OR1D2: variants seen among roughly 807,000 people sequenced by gnomAD.
OR1D2 encodes the protein olfactory receptor 1D2.
For synonymous variants in OR1D2, 157 were observed against 153.9 expected (o/e 1.02, Z -0.15); for missense variants, 357 against 376.1 (o/e 0.95, Z 0.42).
At chr17:3,094,060 G>A (rs1334028502) in intron 1 of OR1D2, among the ~76,000 whole-genome samples, 3 of 152,172 alleles carry the variant, frequency 2.0e-5, no homozygotes, top group Non-Finnish European at 4.4e-5. Flanking sequence ...CAATATGATA[G>A]TAATGTTGGA....
intron 1 of OR1D2, among the ~76,000 whole-genome samples, chr17:3,100,674 A>AGC (rs2047870547): frequency 6.6e-6 from 1 of 152,210 alleles, no homozygotes; most frequent in African/African-American, 2.4e-5. Context: ...GTAAGATCAG[A>AGC]GCAGAACTGA....
chr17:3,092,041 G>C lies in OR1D2; in HGVS notation c.*17C>G. On this transcript the variant is annotated 3_prime_UTR_variant, in exon 2 of 2. Transcript: ENST00000641833. ...TATTCCTAGTCTCCACTTTAATGCT[G>C]TCTTTCCAAATTGCCCTCATGTCAG... 1 of 1,574,002 alleles carries C rather than the reference G, an allele frequency of 6.4e-7. No homozygotes were observed. The highest frequency in any genetic ancestry group is 8.7e-7 in the Non-Finnish European group (1 of 1,153,514).
At chr17:3,094,005 A>T (rs1347335306) in intron 1 of OR1D2, among the ~76,000 whole-genome samples, 1 of 152,208 alleles carries the variant, frequency 6.6e-6, no homozygotes, top group African/African-American at 2.4e-5. Flanking sequence ...TGAATAAAAG[A>T]ATAACAGGGT....
chr17:3,103,516 C>A (rs933604362), intron 1 of OR1D2, among the ~76,000 whole-genome samples: 1 of 152,204 alleles, frequency 6.6e-6, no homozygotes, highest in Non-Finnish European at 1.5e-5. Context: ...TTCTGACTCT[C>A]TCTCTTGAAG....
In OR1D2 at chr17:3,104,090, T is replaced by C. The variant is rs993130793; in HGVS notation, c.-51+9A>G. 6.6e-6 allele frequency: 1 copy of C among 152,130 alleles called. No individual in the cohort carries two copies. Among genetic ancestry groups the C allele is most frequent in the African/African-American group, 2.4e-5 (1 of 41,412 alleles). 9.4% of individuals were successfully genotyped at this position (152,130 alleles called of 1,614,324 possible). A position where few individuals can be genotyped will look rare whatever the true frequency, so the allele number is the denominator to read the frequency against. On this transcript the variant is annotated intron_variant, in intron 1 of 1. Transcript: ENST00000641833. ...AGGGAGAAAGAGCATGAGGCTGAGA[T>C]GTACAGACCTTACCCACTGCTCTGT...
intron 1 of OR1D2, among the ~76,000 whole-genome samples, chr17:3,100,870 A>G (rs1392931730): frequency 1.3e-5 from 2 of 152,178 alleles, no homozygotes; most frequent in African/African-American, 2.4e-5. Context: ...AACACAAACT[A>G]CTATCAGAGA....
At chr17:3,098,592 A>C (rs1193234918) in intron 1 of OR1D2, among the ~76,000 whole-genome samples, 1 of 152,216 alleles carries the variant, frequency 6.6e-6, no homozygotes, top group Non-Finnish European at 1.5e-5. Context: ...ACAAATGCTG[A>C]AAACACAAAA....
In OR1D2 at chr17:3,100,761, TG is replaced by T. The variant is rs549507789; in HGVS notation, c.-51+3337del. On this transcript the variant is annotated intron_variant, in intron 1 of 1. Coordinates refer to ENST00000641833, the MANE Select transcript of OR1D2 (RefSeq NM_002548.3). The stretch of plus-strand genomic sequence containing the variant: ...TGGTTTTTTGAAAAAATTAACAAAA[TG>T]GATAGACTGCTAGCTAGACTAACGA... Among the ~76,000 whole-genome samples, 11 of 151,984 alleles carry T rather than the reference TG, an allele frequency of 7.2e-5. No homozygotes were observed. In the South Asian group the frequency reaches 2.3e-3, roughly 32 times the overall value.
chr17:3,095,763 T>C (rs2047841740), intron 1 of OR1D2, among the ~76,000 whole-genome samples: 2 of 152,088 alleles, frequency 1.3e-5, no homozygotes, highest in Non-Finnish European at 2.9e-5. Context: ...ATAATATGTA[T>C]ATGATGTATC....
intron 1 of OR1D2, among the ~76,000 whole-genome samples, chr17:3,094,348 G>A (rs370219655): frequency 3.3e-5 from 5 of 152,074 alleles, no homozygotes; most frequent in East Asian, 1.9e-4. Flanking sequence ...AAAGCCTAAT[G>A]TGTATAGAAT....
At chr17:3,097,529 A>T (rs2047852323) in intron 1 of OR1D2, among the ~76,000 whole-genome samples, 1 of 152,064 alleles carries the variant, frequency 6.6e-6, no homozygotes, top group Admixed American at 6.6e-5. Flanking sequence ...TTTCCATGGA[A>T]CTCTGCAACC....
Position 3,091,770 on chromosome 17 carries a change from T to G in OR1D2, c.*288A>C. The G allele has an allele frequency of 3.3e-6, 1 of 300,864 alleles. No homozygotes were observed. The highest frequency in any genetic ancestry group is 6.1e-5 in the East Asian group (1 of 16,398). 18.6% of individuals were successfully genotyped at this position (300,864 alleles called of 1,614,324 possible). A position where few individuals can be genotyped will look rare whatever the true frequency, so the allele number is the denominator to read the frequency against. ...GAGACACTTCTAGGTTTAAACTGGA[T>G]ATAGTCAGATAAGGCCAAGAATGTG... is the stretch of plus-strand genomic sequence containing the variant. On this transcript the variant is annotated 3_prime_UTR_variant, in exon 2 of 2. Transcript: ENST00000641833.
At position 3,089,288 on chromosome 17, in the gene OR1D2, G is replaced by A. The variant is rs1351040482; in HGVS notation, c.*2770C>T. 3 of 152,296 alleles carry A rather than the reference G, an allele frequency of 2.0e-5. No homozygotes were observed. Among genetic ancestry groups the A allele is most frequent in the African/African-American group, 7.2e-5 (3 of 41,464 alleles). The allele number at this position is 152,296 out of a possible 1,614,324, so 9.4% of individuals were successfully genotyped here. ...CCATCCAACAGAGCTTCTGGGCTCT[G>A]AGCTGGTACTGGGGGGTGTCTGTGA... is the stretch of plus-strand genomic sequence containing the variant. On this transcript the variant is annotated 3_prime_UTR_variant, in exon 2 of 2. Transcript: ENST00000641833.
intron 1 of OR1D2, among the ~76,000 whole-genome samples, chr17:3,093,576 T>G (rs997321210): frequency 6.6e-5 from 10 of 152,182 alleles, no homozygotes; most frequent in African/African-American, 2.4e-4. Context: ...AGTTTCTTCA[T>G]GCGAATCATG....
Position 3,092,973 on chromosome 17 carries a change from T to C in OR1D2, c.24A>G (p.Glu8=), listed in dbSNP as rs765713035. Residue 8 remains glutamate (E), a synonymous_variant, in exon 2 of 2, where the codon GAA becomes GAG. Transcript: ENST00000641833. MDGGNQS[E]GSEFLLLGMS... ...TCCCCAGGAGAAGGAACTCTGAACC[T>C]TCACTCTGGTTGCCTCCATCCATTT... is the stretch of plus-strand genomic sequence containing the variant. 2.5e-6 allele frequency: 4 copies of C among 1,613,958 alleles called. No homozygotes were observed. The South Asian group carries it at 3.3e-5, about 13-fold the overall frequency.
At chr17:3,099,479 G>C (rs973006637) in intron 1 of OR1D2, among the ~76,000 whole-genome samples, 2 of 152,114 alleles carry the variant, frequency 1.3e-5, no homozygotes, top group Non-Finnish European at 2.9e-5. Flanking sequence ...CAAATGCTCA[G>C]GGATTTCATC....
intron 1 of OR1D2, among the ~76,000 whole-genome samples, chr17:3,102,266 G>GA (rs1370358033): frequency 6.6e-6 from 1 of 152,238 alleles, no homozygotes; most frequent in East Asian, 1.9e-4. Flanking sequence ...GGGGTGGGGT[G>GA]AGGGTATATG....
chr17:3,092,381 T>C lies in OR1D2; in HGVS notation c.616A>G (p.Ile206Val), dbSNP rs1597253706. ...ACGAATCCAAAGGGAATGAGGAAGATGAAGCAGCCTGTGGCAATCAGCACT... is the reference window on the plus strand; with the variant it reads ...ACGAATCCAAAGGGAATGAGGAAGACGAAGCAGCCTGTGGCAATCAGCACT... ...HTVLIATGCF[I>V]FLIPFGFVII... is the part of the protein sequence containing the mutation. The change falls in exon 2 of 2, where the codon ATC becomes GTC. Residue 206 changes from isoleucine to valine, a missense_variant. By Grantham distance (29) the Ile-to-Val change is conservative. Coordinates refer to ENST00000641833, the MANE Select transcript of OR1D2 (RefSeq NM_002548.3). 6.2e-7 allele frequency: 1 copy of C among 1,614,158 alleles called. No homozygotes were observed. The highest frequency in any genetic ancestry group is 8.5e-7 in the Non-Finnish European group (1 of 1,180,024).
rs2047807357 is a variant in OR1D2, at chr17:3,091,421, T to C, written c.*637A>G. 1 of 151,286 alleles carries C rather than the reference T, an allele frequency of 6.6e-6. No homozygotes were observed. The highest frequency in any genetic ancestry group is 2.5e-5 in the African/African-American group (1 of 40,516). 9.4% of individuals were successfully genotyped at this position (151,286 alleles called of 1,614,324 possible). ...TATCTATATTTTATTTTTTAATCAGTATGTTGAACATTACTTTTTAATTGA... is the reference window on the plus strand; with the variant it reads ...TATCTATATTTTATTTTTTAATCAGCATGTTGAACATTACTTTTTAATTGA... On this transcript the variant is annotated 3_prime_UTR_variant, in exon 2 of 2. Transcript: ENST00000641833.
Sources: allele counts gnomAD v4.1 joint callset (sites outside exome capture counted in the v4.1 genomes callset), GRCh38; gene constraint gnomAD v4.1.1; transcripts MANE v1.5; gene names NCBI Gene and HGNC (gene_info 2026-07-23, HGNC 2026-07-21).